Variants in PIBF1 observed in about 807,000 individuals in gnomAD.
PIBF1 encodes the protein progesterone-induced-blocking factor 1.
PIBF1 carries 90 observed loss-of-function variants against 112.5 expected under a neutral mutation model. The ratio of observed to expected loss-of-function variants is 0.80; its 90% CI spans 0.67 to 0.95. The LOEUF is 0.95. Among genes scored for constraint, PIBF1 ranks in the 40% least tolerant of loss-of-function variants. The pLI is 0.00. For synonymous variants in PIBF1, 301 were observed against 288.6 expected (o/e 1.04, Z -0.44); for missense variants, 915 against 852.3 (o/e 1.07, Z -0.92).
chr13:72,783,332 T>G (rs2138287779), intron 1 of PIBF1, 91 bp from the exon 2 acceptor site: 1 of 636,876 alleles, frequency 1.6e-6, no homozygotes. Flanking sequence ...CTAATATTTA[T>G]TTAAGGAATC....
At chr13:72,985,054 G>A (rs941513928) in intron 16 of PIBF1, among the ~76,000 whole-genome samples, 27 of 151,764 alleles carry the variant, frequency 1.8e-4, no homozygotes, top group African/African-American at 5.6e-4. Flanking sequence ...ACCTTTTTTT[G>A]TCAGTAAGGA....
In PIBF1 at chr13:72,948,850, C is replaced by T. The variant is rs144013285; in HGVS notation, c.1834-16424C>T. Among the ~76,000 whole-genome samples, 17 of 152,300 alleles carry T rather than the reference C, an allele frequency of 1.1e-4. No homozygotes were observed. In the East Asian group the frequency reaches 2.9e-3, roughly 26 times the overall value. ...ATAAAACCATCAGATTTTGTGAGAA[C>T]TCACTGTCACGAGAACAGCATGAGC... On this transcript the variant is annotated intron_variant, in intron 14 of 17. Coordinates refer to ENST00000326291, the MANE Select transcript of PIBF1 (RefSeq NM_006346.4).
At chr13:72,949,426 C>T (rs918522699) in intron 14 of PIBF1, among the ~76,000 whole-genome samples, 2 of 149,398 alleles carry the variant, frequency 1.3e-5, no homozygotes, top group Non-Finnish European at 3.0e-5. Context: ...AGCAATTCTC[C>T]TGCCTCATCC....
chr13:72,977,848 G>A (rs1274729952), intron 16 of PIBF1, among the ~76,000 whole-genome samples: 4 of 152,096 alleles, frequency 2.6e-5, no homozygotes, highest in African/African-American at 9.7e-5. Context: ...GTGATGTTTA[G>A]TCCTAACTTT....
At chr13:72,854,978 C>T (rs937232079) in intron 10 of PIBF1, among the ~76,000 whole-genome samples, 6 of 152,100 alleles carry the variant, frequency 3.9e-5, no homozygotes, top group Non-Finnish European at 8.8e-5. Context: ...AATATCATTA[C>T]TTCATTAAAC....
Position 73,015,732 on chromosome 13 carries a change from A to G in PIBF1, c.2224-137A>G, listed in dbSNP as rs191047933. On this transcript the variant is annotated intron_variant, in intron 17 of 17. Transcript: ENST00000326291. ...AAAGACAAAGTCTTCGCCCTTAAGT[A>G]TCCTTTCTGAATTAAGAAAAGCAAT... is the stretch of plus-strand genomic sequence containing the variant. 714 of 366,842 alleles carry G rather than the reference A, an allele frequency of 1.9e-3. 10 individuals are homozygous for G. Among genetic ancestry groups the G allele is most frequent in the Middle Eastern group, 0.014 (19 of 1,346 alleles). 22.7% of individuals were successfully genotyped at this position (366,842 alleles called of 1,614,324 possible). A position where few individuals can be genotyped will look rare whatever the true frequency, so the allele number is the denominator to read the frequency against.
chr13:72,972,180 C>G (rs1164506751), intron 15 of PIBF1, among the ~76,000 whole-genome samples: 1 of 151,638 alleles, frequency 6.6e-6, no homozygotes, highest in African/African-American at 2.4e-5. Flanking sequence ...ACTAAAGGTG[C>G]ATGTCTCCAC....
intron 16 of PIBF1, among the ~76,000 whole-genome samples, chr13:72,991,158 G>A (rs2043466274): frequency 6.6e-6 from 1 of 152,186 alleles, no homozygotes; most frequent in Non-Finnish European, 1.5e-5. Flanking sequence ...AGCAGCTGCT[G>A]TACAGCTGAG....
At chr13:72,914,479 C>G (rs1258824341) in intron 12 of PIBF1, among the ~76,000 whole-genome samples, 1 of 152,108 alleles carries the variant, frequency 6.6e-6, no homozygotes, top group East Asian at 1.9e-4. Flanking sequence ...TTTCTCAGAA[C>G]TCCCTTCTCT....
chr13:72,894,777 G>A (rs2040209455), intron 11 of PIBF1, among the ~76,000 whole-genome samples: 1 of 141,204 alleles, frequency 7.1e-6, no homozygotes, highest in Non-Finnish European at 1.6e-5. Context: ...TATATAGTGT[G>A]TGTGTGTGTG....
intron 10 of PIBF1, among the ~76,000 whole-genome samples, chr13:72,860,827 A>AAAT (rs1441136627): frequency 6.6e-6 from 1 of 152,222 alleles, no homozygotes; most frequent in African/African-American, 2.4e-5. Flanking sequence ...TTTCTCAGGC[A>AAAT]AATAAAAGAC....
intron 16 of PIBF1, among the ~76,000 whole-genome samples, chr13:72,988,893 C>T (rs2043387116): frequency 6.6e-6 from 1 of 151,968 alleles, no homozygotes; most frequent in Admixed American, 6.6e-5. Context: ...AAAAAATTAG[C>T]CAGAAGTGGT....
At chr13:72,940,294 G>T (rs2138812589) in intron 14 of PIBF1, among the ~76,000 whole-genome samples, 1 of 151,420 alleles carries the variant, frequency 6.6e-6, no homozygotes, top group East Asian at 1.9e-4. Flanking sequence ...TGTATAATCT[G>T]CTTTCAGTTC....
chr13:72,896,823 T>TAATC (rs1461439080), intron 11 of PIBF1, among the ~76,000 whole-genome samples: 1 of 151,838 alleles, frequency 6.6e-6, no homozygotes, highest in Non-Finnish European at 1.5e-5. Flanking sequence ...AACCTAAGAG[T>TAATC]AATCAGTGTT....
At chr13:72,927,301 C>A (rs181496471) in intron 13 of PIBF1, among the ~76,000 whole-genome samples, 1 of 151,988 alleles carries the variant, frequency 6.6e-6, no homozygotes, top group Admixed American at 6.6e-5. Flanking sequence ...GTCAGGAGAT[C>A]GAGACCATCT....
intron 10 of PIBF1, among the ~76,000 whole-genome samples, chr13:72,864,503 G>A (rs900601134): frequency 1.3e-5 from 2 of 152,138 alleles, no homozygotes; most frequent in African/African-American, 4.8e-5. Context: ...CATTATGCTT[G>A]TGAACTGAAA....
intron 16 of PIBF1, among the ~76,000 whole-genome samples, chr13:72,986,794 C>T (rs2043303741): frequency 6.6e-6 from 1 of 151,570 alleles, no homozygotes; most frequent in Non-Finnish European, 1.5e-5. Flanking sequence ...GGGTTCACGC[C>T]ATTCTCCTGC....
chr13:72,876,961 C>A (rs972389101), intron 10 of PIBF1, among the ~76,000 whole-genome samples: 1 of 152,034 alleles, frequency 6.6e-6, no homozygotes, highest in South Asian at 2.1e-4. Context: ...TTGAAAAGTT[C>A]CTGATCTTAG....
At chr13:72,901,080 A>G (rs1217411463) in intron 11 of PIBF1, 1 of 448,546 alleles carries the variant, frequency 2.2e-6, no homozygotes, top group Non-Finnish European at 4.5e-6. Flanking sequence ...GGACCTGATT[A>G]AAGAGCTTTC....
Sources: gnomAD v4.1 joint callset for allele counts (sites outside exome capture counted in the v4.1 genomes callset) on GRCh38, gnomAD v4.1.1 for gene constraint, MANE v1.5 for transcripts, NCBI Gene and HGNC (gene_info 2026-07-23, HGNC 2026-07-21) for gene names.